The following CPAMD8 variants were observed in gnomAD, a reference collection of about 807,000 sequenced individuals.
CPAMD8 encodes C3 and PZP like alpha-2-macroglobulin domain containing 8, also known as C3 and PZP-like alpha-2-macroglobulin domain-containing protein 8.
A neutral mutation model predicts 224.7 loss-of-function variants in CPAMD8; 146 were observed. The ratio of observed to expected loss-of-function variants is 0.65; its 90% CI spans 0.57 to 0.75. CPAMD8 has a LOEUF of 0.75. CPAMD8 is among the 30% of genes least tolerant of loss of function. The pLI is 0.00. For missense variants in CPAMD8, 2,301 were observed against 2,537.5 expected (o/e 0.91, Z 2.00); for synonymous variants, 966 against 1,044.6 (o/e 0.92, Z 1.45).
At chr19:17,004,912 T>C (rs11086050) in intron 7 of CPAMD8, among the ~76,000 whole-genome samples, 27,147 of 151,020 alleles carry the variant, frequency 0.18, 2,696 homozygotes, top group African/African-American at 0.28. Flanking sequence ...ATATCGCCCC[T>C]AGGGGGCAAA....
intron 16 of CPAMD8, 43 bp from the exon 17 acceptor site, chr19:16,975,301 T>C: frequency 6.5e-7 from 1 of 1,543,028 alleles, no homozygotes; most frequent in East Asian, 2.3e-5. Context: ...TGAAGTTTTC[T>C]TTACAACCCA....
chr19:17,018,757 A>ACACAC (rs1353592195), intron 3 of CPAMD8, among the ~76,000 whole-genome samples: 2 of 127,432 alleles, frequency 1.6e-5, no homozygotes, highest in African/African-American at 8.4e-5. Flanking sequence ...CACACACACA[A>ACACAC]AATTAGCCAG....
chr19:16,905,882 C>T (rs2144761346), intron 30 of CPAMD8, among the ~76,000 whole-genome samples: 1 of 152,054 alleles, frequency 6.6e-6, no homozygotes. Context: ...GATTGGAGTC[C>T]CAGTGGGGTG....
chr19:16,961,260 C>G (rs2054644941), intron 18 of CPAMD8, among the ~76,000 whole-genome samples: 1 of 152,188 alleles, frequency 6.6e-6, no homozygotes, highest in African/African-American at 2.4e-5. Flanking sequence ...CCTTTCCTAG[C>G]CAAGGGAAGC....
chr19:17,025,741 T>G (rs2057064524), intron 1 of CPAMD8, among the ~76,000 whole-genome samples: 1 of 152,112 alleles, frequency 6.6e-6, no homozygotes, highest in South Asian at 2.1e-4. Flanking sequence ...GGATGAAAAT[T>G]TGTAGGGTTC....
chr19:16,998,692 T>C (rs557257810), intron 10 of CPAMD8, among the ~76,000 whole-genome samples: 1 of 152,088 alleles, frequency 6.6e-6, no homozygotes, highest in African/African-American at 2.4e-5. Context: ...TGTAACATTA[T>C]GCTGAAAGAC....
chr19:16,937,291 C>T (rs761726420), intron 23 of CPAMD8, among the ~76,000 whole-genome samples: 3 of 152,006 alleles, frequency 2.0e-5, no homozygotes, highest in Admixed American at 6.6e-5. Context: ...TGCACCACCA[C>T]GTCTGGCTAA....
Position 16,946,187 on chromosome 19 carries a change from G to GTA in CPAMD8, c.2663-509_2663-508insTA, listed in dbSNP as rs568861376. 2.5e-3 allele frequency among the ~76,000 whole-genome samples: 373 copies of GTA among 151,204 alleles called. 3 individuals are homozygous for GTA. Among genetic ancestry groups the GTA allele is most frequent in the African/African-American group, 8.7e-3 (358 of 41,076 alleles). ...GTGTGTGTGTATGATTTGTGTGTGT[G>GTA]TGTGCATGTCTGCATGTGCAGGCAT... On this transcript the variant is annotated intron_variant, in intron 21 of 41. Transcript: ENST00000443236.
At position 16,971,090 on chromosome 19, in the gene CPAMD8, A is replaced by G. The variant is rs1369108840; in HGVS notation, c.2071-57T>C. On this transcript the variant is annotated intron_variant, in intron 17 of 41. Coordinates refer to ENST00000443236, the MANE Select transcript of CPAMD8 (RefSeq NM_015692.5). Reference sequence around the variant, plus strand: ...GGGGAAGTGGATGCTGACAGCCCCCAGAAGCATAAGGGAATGAATCACCCT... The same window carrying G: ...GGGGAAGTGGATGCTGACAGCCCCCGGAAGCATAAGGGAATGAATCACCCT... 11 of 1,472,074 alleles carry G rather than the reference A, an allele frequency of 7.5e-6. No individual in the cohort carries two copies. The African/African-American group carries it at 1.4e-4, about 19-fold the overall frequency. 91.2% of individuals were successfully genotyped at this position (1,472,074 alleles called of 1,614,324 possible).
At chr19:17,006,164 G>T (rs1214502077) in intron 7 of CPAMD8, among the ~76,000 whole-genome samples, 1 of 152,082 alleles carries the variant, frequency 6.6e-6, no homozygotes, top group Non-Finnish European at 1.5e-5. Context: ...GTTTCCCCAT[G>T]TTGGCCAGGC....
intron 13 of CPAMD8, among the ~76,000 whole-genome samples, chr19:16,984,987 G>T (rs2055663357): frequency 6.6e-6 from 1 of 152,126 alleles, no homozygotes; most frequent in Admixed American, 6.5e-5. Flanking sequence ...CATTTTTAGG[G>T]TACCCATTGA....
intron 23 of CPAMD8, among the ~76,000 whole-genome samples, chr19:16,934,622 T>G (rs760719377): frequency 1.3e-5 from 2 of 152,154 alleles, no homozygotes; most frequent in African/African-American, 2.4e-5. Flanking sequence ...AATTACATAG[T>G]GCGTGAAGTA....
rs147355624 is a variant in CPAMD8 at position 16,995,412 on chromosome 19, T to C, written c.1095+1699A>G. ...TGTTTTTGTTTTTTGTTTTTTGTTT[T>C]TTTATTTGAGACGAAGTCTCACTCT... On this transcript the variant is annotated intron_variant, in intron 11 of 41. Coordinates refer to ENST00000443236, the MANE Select transcript of CPAMD8 (RefSeq NM_015692.5). 6.8e-3 allele frequency among the ~76,000 whole-genome samples: 1,014 copies of C among 148,884 alleles called. 14 individuals are homozygous for C. The highest frequency in any genetic ancestry group is 0.023 in the African/African-American group (892 of 39,334).
At chr19:16,936,676 G>A (rs747387007) in intron 23 of CPAMD8, among the ~76,000 whole-genome samples, 1 of 152,058 alleles carries the variant, frequency 6.6e-6, no homozygotes, top group Admixed American at 6.6e-5. Context: ...CAAAGTGCTG[G>A]GATTACAGGT....
intron 20 of CPAMD8, among the ~76,000 whole-genome samples, chr19:16,949,344 C>A (rs552859816): frequency 9.9e-5 from 15 of 152,280 alleles, no homozygotes; most frequent in African/African-American, 3.6e-4. Context: ...CAGAGGGAAA[C>A]CTCCCTTTAG....
rs775596217 is a variant in CPAMD8 at position 16,925,321 on chromosome 19, G to A, written c.3422C>T (p.Pro1141Leu). ...CATGTTCTGCTCTCCACAGCCAAAC[G>A]GCAGCCGCAGGAGGTTGTTGAGGTG... The part of the protein sequence containing the change: ...LNHLNNLLRL[P>L]FGCGEQNMIH... Residue 1141 changes from proline (P) to leucine (L), a missense_variant, in exon 26 of 42, where the codon CCG (proline) becomes CTG (leucine). Pro to Leu is a moderately conservative substitution (Grantham distance 98). Coordinates refer to ENST00000443236, the MANE Select transcript of CPAMD8 (RefSeq NM_015692.5). 7.4e-6 allele frequency: 12 copies of A among 1,614,084 alleles called. No individual in the cohort carries two copies. Among genetic ancestry groups the A allele is most frequent in the South Asian group, 2.2e-5 (2 of 91,090 alleles).
intron 36 of CPAMD8, among the ~76,000 whole-genome samples, chr19:16,900,206 C>G (rs10415793): frequency 0.021 from 3,183 of 152,172 alleles, 125 homozygotes; most frequent in African/African-American, 0.073. Flanking sequence ...AGGGTGACAG[C>G]TGGTCTCGGC....
In CPAMD8 at chr19:16,975,997, C is replaced by T; in HGVS notation, c.1908+5G>A. ...CTAGAACCCAAGCCCGAGGGGTCTG[C>T]TCACCTGGGCAGGAGTCAGCCGGAA... On this transcript the variant is annotated splice_donor_5th_base_variant and intron_variant, in intron 16 of 41. Coordinates refer to ENST00000443236, the MANE Select transcript of CPAMD8 (RefSeq NM_015692.5). 6.3e-7 allele frequency: 1 copy of T among 1,585,700 alleles called. No homozygotes were observed. The highest frequency in any genetic ancestry group is 8.6e-7 in the Non-Finnish European group (1 of 1,165,218).
intron 14 of CPAMD8, 112 bp from the exon 15 acceptor site, chr19:16,977,652 T>G (rs1281879051): frequency 2.8e-6 from 2 of 704,096 alleles, no homozygotes. Flanking sequence ...GTCTACGCAT[T>G]GAGACAGTCT....
Sources: allele counts gnomAD v4.1 joint callset (sites outside exome capture counted in the v4.1 genomes callset), GRCh38; gene constraint gnomAD v4.1.1; transcripts MANE v1.5; gene names NCBI Gene and HGNC (gene_info 2026-07-23, HGNC 2026-07-21).